The following ATP11A variants were observed in gnomAD, a reference collection of about 807,000 sequenced individuals.
The protein encoded by ATP11A is phospholipid-transporting ATPase IH.
Under a neutral mutation model 154.4 loss-of-function variants are expected in ATP11A, and 81 were observed. That is an observed-to-expected ratio of 0.52 (90% CI 0.44 to 0.63). The LOEUF (loss-of-function observed/expected upper bound fraction) is 0.63, where lower values mean the gene tolerates loss of function less well. ATP11A is among the 30% of genes least tolerant of loss of function. The pLI is 0.00. For synonymous variants in ATP11A, 623 were observed against 585.9 expected (o/e 1.06, Z -0.91); for missense variants, 1,316 against 1,474.3 (o/e 0.89, Z 1.76).
chr13:112,816,605 A>G (rs896030659), intron 6 of ATP11A, among the ~76,000 whole-genome samples: 18 of 151,788 alleles, frequency 1.2e-4, no homozygotes, highest in African/African-American at 4.1e-4. Flanking sequence ...GCTCTTGTCC[A>G]CTCAGTGCGG....
At chr13:112,784,604 G>C (rs1434269916) in intron 1 of ATP11A, among the ~76,000 whole-genome samples, 1 of 150,670 alleles carries the variant, frequency 6.6e-6, no homozygotes, top group Non-Finnish European at 1.5e-5. Flanking sequence ...GTCACTGCAA[G>C]CTCCACCTCC....
chr13:112,721,182 A>G (rs1279473985), intron 1 of ATP11A, among the ~76,000 whole-genome samples: 2 of 152,158 alleles, frequency 1.3e-5, no homozygotes, highest in African/African-American at 2.4e-5. Flanking sequence ...TCCTCTCATT[A>G]GGGAGTTGGA....
At chr13:112,739,031 C>A (rs1183322355) in intron 1 of ATP11A, among the ~76,000 whole-genome samples, 1 of 152,174 alleles carries the variant, frequency 6.6e-6, no homozygotes, top group Non-Finnish European at 1.5e-5. Flanking sequence ...GCAGAAAACA[C>A]AGGGACAAAT....
chr13:112,726,307 G>A (rs778896617), intron 1 of ATP11A, among the ~76,000 whole-genome samples: 54 of 151,910 alleles, frequency 3.6e-4, no homozygotes, highest in Middle Eastern at 3.2e-3. Flanking sequence ...GGGGCTGGGG[G>A]CACAGCGTGC....
At chr13:112,704,195 C>T (rs1358027649) in intron 1 of ATP11A, among the ~76,000 whole-genome samples, 2 of 152,210 alleles carry the variant, frequency 1.3e-5, no homozygotes, top group Non-Finnish European at 2.9e-5. Context: ...AGCCAGCTGT[C>T]GTCCACCTTT....
intron 24 of ATP11A, 114 bp downstream of exon 24, chr13:112,860,528 G>GC (rs759824147): frequency 3.2e-6 from 4 of 1,242,396 alleles, no homozygotes; most frequent in Non-Finnish European, 4.5e-6. Flanking sequence ...GAAGCATTCG[G>GC]CATCTGCTGA....
chr13:112,829,408 A>G (rs998186830), intron 12 of ATP11A, among the ~76,000 whole-genome samples: 22 of 152,240 alleles, frequency 1.4e-4, no homozygotes, highest in African/African-American at 4.8e-4. Context: ...GGGTGGCTCA[A>G]TGTGTGCAAA....
intron 6 of ATP11A, among the ~76,000 whole-genome samples, chr13:112,818,248 G>A (rs2078700525): frequency 6.6e-6 from 1 of 151,032 alleles, no homozygotes; most frequent in Admixed American, 6.6e-5. Flanking sequence ...GACCGTTGGT[G>A]CGCTTGGTGA....
At chr13:112,846,905 G>A (rs949909742) in intron 17 of ATP11A, among the ~76,000 whole-genome samples, 1 of 152,106 alleles carries the variant, frequency 6.6e-6, no homozygotes, top group African/African-American at 2.4e-5. Context: ...GCTGTGCCTG[G>A]TGAGTGGCCA....
At chr13:112,759,057 TTC>T (rs1340049523) in intron 1 of ATP11A, among the ~76,000 whole-genome samples, 1 of 152,224 alleles carries the variant, frequency 6.6e-6, no homozygotes, top group Non-Finnish European at 1.5e-5. Flanking sequence ...CACCAAATAC[TTC>T]TCTTGTAAAA....
rs184221474 is a variant in ATP11A at position 112,808,477 on chromosome 13, C to A, written c.334-2142C>A. Among the ~76,000 whole-genome samples, 867 of 150,982 alleles carry A rather than the reference C, an allele frequency of 5.7e-3. 10 individuals are homozygous for A. The highest frequency in any genetic ancestry group is 0.02 in the African/African-American group (817 of 41,062). Reference sequence around the variant, plus strand: ...ACCTGTGTGTGCCAGAGCCCCCCCACCCCCTCGACCTTCCCCCACTACTGA... The same window carrying A: ...ACCTGTGTGTGCCAGAGCCCCCCCAACCCCTCGACCTTCCCCCACTACTGA... On this transcript the variant is annotated intron_variant, in intron 4 of 29. Coordinates refer to ENST00000375645, the MANE Select transcript of ATP11A (RefSeq NM_015205.3).
At chr13:112,810,043 C>T (rs567587403) in intron 4 of ATP11A, among the ~76,000 whole-genome samples, 3 of 152,312 alleles carry the variant, frequency 2.0e-5, no homozygotes, top group East Asian at 3.9e-4. Flanking sequence ...GATGCGGAAA[C>T]GCACAGAGAG....
chr13:112,800,424 G>A (rs970074949), intron 2 of ATP11A, among the ~76,000 whole-genome samples: 2 of 152,032 alleles, frequency 1.3e-5, no homozygotes, highest in South Asian at 2.1e-4. Flanking sequence ...CTTGAAAAAC[G>A]CTATCTACCA....
intron 4 of ATP11A, among the ~76,000 whole-genome samples, chr13:112,808,967 C>T (rs958229662): frequency 4.6e-5 from 7 of 152,202 alleles, no homozygotes; most frequent in Admixed American, 3.3e-4. Flanking sequence ...TCCTCTTTGG[C>T]GTCTTCCCGC....
At chr13:112,715,407 ACC>A (rs1484330447) in intron 1 of ATP11A, among the ~76,000 whole-genome samples, 7 of 46,402 alleles carry the variant, frequency 1.5e-4, no homozygotes, top group Admixed American at 2.6e-4. Flanking sequence ...CACCTGGCCC[ACC>A]TCCCCACACC....
chr13:112,838,742 C>G lies in ATP11A; in HGVS notation c.1705+2491C>G, dbSNP rs1242376651. 2.0e-5 allele frequency among the ~76,000 whole-genome samples: 3 copies of G among 152,192 alleles called. No individual in the cohort carries two copies. Among genetic ancestry groups the G allele is most frequent in the African/African-American group, 7.2e-5 (3 of 41,444 alleles). ...GGGACGCCTGTGGACCTCCTAGGGC[C>G]TCTCCAAGGAACTGAGAGCTTGCAG... is the stretch of plus-strand genomic sequence containing the variant. On this transcript the variant is annotated intron_variant, in intron 16 of 29. Coordinates refer to ENST00000375645, the MANE Select transcript of ATP11A (RefSeq NM_015205.3). This position sits in a 1 kb window ranked among gnomAD's most constrained non-coding sequence, Gnocchi z 7.3.
chr13:112,818,390 C>T (rs565838610), intron 6 of ATP11A, among the ~76,000 whole-genome samples: 3 of 152,286 alleles, frequency 2.0e-5, no homozygotes, highest in African/African-American at 7.2e-5. Flanking sequence ...GAGCAGTGAC[C>T]GTGTCCCCCT....
At chr13:112,777,033 C>T (rs1436607027) in intron 1 of ATP11A, among the ~76,000 whole-genome samples, 1 of 152,186 alleles carries the variant, frequency 6.6e-6, no homozygotes, top group Non-Finnish European at 1.5e-5. Flanking sequence ...CTCTCTGCAC[C>T]GCGGGTTTGG....
rs374426697 is a variant in ATP11A at position 112,878,241 on chromosome 13, G to A, written c.3352G>A (p.Glu1118Lys). The A allele has an allele frequency of 8.1e-6, 13 of 1,614,076 alleles. No individual in the cohort carries two copies. The highest frequency in any genetic ancestry group is 1.6e-4 in the Middle Eastern group (1 of 6,084). The change falls in exon 29 of 30, where the codon GAG becomes AAG. Residue 1118 changes from glutamate (E) to lysine (K), a missense_variant. By Grantham distance (56) the Glu-to-Lys change is moderately conservative. Around this residue, in one of 5 missense-constraint regions of ATP11A, gnomAD observed 294 missense variants for 290.2 expected, o/e 1.01. Transcript: ENST00000375645. Reference protein sequence around the residue: ...VQTKSQCLSVEQSTIFMLSQT... With the variant: ...VQTKSQCLSVKQSTIFMLSQT... ...GACTAAGAGCCAGTGCCTTTCTGTC[G>A]AGCAGTCAACCATCTTTATGCTTTC...
Sources: allele counts gnomAD v4.1 joint callset (sites outside exome capture counted in the v4.1 genomes callset), GRCh38; gene constraint gnomAD v4.1.1; regional missense constraint gnomAD v4.1.1; non-coding constraint Gnocchi (gnomAD v3.1); transcripts MANE v1.5; gene names NCBI Gene and HGNC (gene_info 2026-07-23, HGNC 2026-07-21).